The following RBBP8 variants were observed in gnomAD, a reference collection of about 807,000 sequenced individuals.
RBBP8 encodes the protein RB binding protein 8, endonuclease.
A neutral mutation model predicts 108.3 loss-of-function variants in RBBP8; 88 were observed. That is an observed-to-expected ratio of 0.81 (90% CI 0.68 to 0.97). RBBP8 has a LOEUF of 0.97. RBBP8 is among the 50% of genes least tolerant of loss of function. The pLI, the probability that RBBP8 is intolerant of heterozygous loss-of-function variation, is 0.00. For synonymous variants in RBBP8, 332 were observed against 348.2 expected, an observed-to-expected ratio of 0.95 and a Z score of 0.52; for missense variants, 1,023 against 1,049.0, an observed-to-expected ratio of 0.98 and a Z score of 0.34.
intron 16 of RBBP8, among the ~76,000 whole-genome samples, chr18:23,009,532 T>C (rs537498916): frequency 1.3e-5 from 2 of 149,408 alleles, no homozygotes; most frequent in African/African-American, 4.9e-5. Flanking sequence ...ATTTTATATA[T>C]ATATATATAA....
intron 3 of RBBP8, 23 bp from the exon 4 acceptor site, chr18:22,949,595 C>T (rs1245117748): frequency 6.5e-7 from 1 of 1,529,932 alleles, no homozygotes; most frequent in South Asian, 1.1e-5. Context: ...ATCTGAAAAA[C>T]TTATTTATTT....
chr18:22,996,307 A>G (rs1286933532), intron 12 of RBBP8, 67 bp from the exon 13 acceptor site: 2 of 1,593,022 alleles, frequency 1.3e-6, no homozygotes, highest in African/African-American at 1.3e-5. Flanking sequence ...AGGTCCCATA[A>G]TATTTTAAAG....
chr18:23,005,514 G>A (rs997182139), intron 15 of RBBP8, among the ~76,000 whole-genome samples: 2 of 152,128 alleles, frequency 1.3e-5, no homozygotes, highest in East Asian at 3.9e-4. Context: ...CCTGGTTCAA[G>A]AGATTCTCCT....
chr18:22,942,538 A>C (rs1027936450), intron 2 of RBBP8, among the ~76,000 whole-genome samples: 1 of 152,022 alleles, frequency 6.6e-6, no homozygotes, highest in African/African-American at 2.4e-5. Flanking sequence ...TTTATGACCG[A>C]GTTTTTATAT....
intron 2 of RBBP8, among the ~76,000 whole-genome samples, chr18:22,945,594 G>C (rs1182425595): frequency 6.6e-6 from 1 of 152,110 alleles, no homozygotes; most frequent in East Asian, 1.9e-4. Context: ...CGTTGATCGG[G>C]CTGGTCTCGG....
At position 22,936,905 on chromosome 18, in the gene RBBP8, T is replaced by C. The variant is rs765551179; in HGVS notation, c.54T>C (p.Ser18=). ...CGSPNSADTS[S]DFKDLWTKLK... ...GCCCTAACTCTGCAGATACATCTAG[T>C]GACTTTAAGGACCTTTGGACAAAAC... Residue 18 remains serine, a synonymous_variant, in exon 2 of 19, where the codon AGT becomes AGC. Coordinates refer to ENST00000327155, the MANE Select transcript of RBBP8 (RefSeq NM_002894.3). 1.9e-6 allele frequency: 3 copies of C among 1,614,130 alleles called. No individual in the cohort carries two copies. The highest frequency in any genetic ancestry group is 2.5e-6 in the Non-Finnish European group (3 of 1,180,014).
At chr18:22,980,182 G>C (rs1914800527) in intron 6 of RBBP8, among the ~76,000 whole-genome samples, 1 of 152,054 alleles carries the variant, frequency 6.6e-6, no homozygotes, top group Non-Finnish European at 1.5e-5. Context: ...GGAGGCAGAG[G>C]TTGTAGTGAG....
rs796482657 is a variant in RBBP8 at position 22,966,742 on chromosome 18, GGA to G, written c.249-2054_249-2053del. On this transcript the variant is annotated intron_variant, in intron 4 of 18. Transcript: ENST00000327155. ...ATCTTTTTTTTTTTTTTTTTTTTTT[GGA>G]GAGAGAGAGTCTTACTCTGTCACCC... Among the ~76,000 whole-genome samples the G allele has an allele frequency of 4.6e-3, 179 of 38,612 alleles. No homozygotes were observed. The Middle Eastern group carries it at 0.059, about 13-fold the overall frequency. The allele number at this position is 38,612 out of a possible 152,430, so 25.3% of individuals were successfully genotyped here.
intron 4 of RBBP8, among the ~76,000 whole-genome samples, chr18:22,951,712 C>T (rs956236675): frequency 6.6e-6 from 1 of 152,182 alleles, no homozygotes; most frequent in Non-Finnish European, 1.5e-5. Context: ...GGTTGTTTAC[C>T]CATGCTTTGG....
chr18:22,975,036 T>C, intron 5 of RBBP8, 117 bp from the exon 6 acceptor site: 1 of 1,266,450 alleles, frequency 7.9e-7, no homozygotes, highest in East Asian at 2.7e-5. Context: ...ATAAACATTA[T>C]GATTTAGGAT....
At chr18:23,017,738 G>GTTT (rs2046284903) in intron 17 of RBBP8, among the ~76,000 whole-genome samples, 8 of 130,178 alleles carry the variant, frequency 6.1e-5, no homozygotes, top group African/African-American at 2.2e-4. Flanking sequence ...ACCAATATAA[G>GTTT]TTCTTTTTTT....
intron 4 of RBBP8, among the ~76,000 whole-genome samples, chr18:22,962,575 C>G (rs1283604691): frequency 6.6e-6 from 1 of 151,572 alleles, no homozygotes; most frequent in African/African-American, 2.4e-5. Context: ...TTTTTTGAGA[C>G]AGAGTCTCAC....
intron 3 of RBBP8, among the ~76,000 whole-genome samples, chr18:22,922,826 T>C (rs1205269708): frequency 6.6e-6 from 1 of 152,214 alleles, no homozygotes; most frequent in Admixed American, 6.5e-5. Context: ...TTCTCCTTTC[T>C]ATATAATTTT....
At chr18:22,989,444 T>TA (rs1306659719) in intron 9 of RBBP8, 126 bp downstream of exon 9, 10 of 664,552 alleles carry the variant, frequency 1.5e-5, no homozygotes, top group African/African-American at 3.6e-5. Flanking sequence ...AAACAAAACT[T>TA]ACATTGTTAG....
At chr18:22,989,693 A>G (rs1915550975) in intron 9 of RBBP8, among the ~76,000 whole-genome samples, 1 of 151,302 alleles carries the variant, frequency 6.6e-6, no homozygotes, top group African/African-American at 2.4e-5. Context: ...ATAGGATCTC[A>G]TTGTGTTGCC....
rs759086894 is a variant in RBBP8, at chr18:22,996,376, GTATCCTTTGAAAA to G, written c.1948_1960del (p.Phe650SerfsTer4). The G allele has an allele frequency of 1.9e-6, 3 of 1,613,384 alleles. No individual in the cohort carries two copies. Among genetic ancestry groups the G allele is most frequent in the South Asian group, 1.1e-5 (1 of 91,064 alleles). Reference sequence around the variant, plus strand: ...CATGCTCTTTCCCTTTACCTAAGATGTATCCTTTGAAAATATCCAGTGGAGTATAGATCCGGGA... The same window carrying G: ...CATGCTCTTTCCCTTTACCTAAGATGTATCCAGTGGAGTATAGATCCGGGA... On this transcript the variant is annotated frameshift_variant, in exon 13 of 19. Transcript: ENST00000327155. LOFTEE classifies it high-confidence loss of function.
At chr18:22,999,627 G>T (rs1225461196) in intron 14 of RBBP8, among the ~76,000 whole-genome samples, 2 of 151,054 alleles carry the variant, frequency 1.3e-5, no homozygotes, top group East Asian at 3.9e-4. Flanking sequence ...TGGAATAGGA[G>T]ACATTAGTGA....
chr18:23,002,321 C>A (rs116203129), intron 15 of RBBP8, among the ~76,000 whole-genome samples: 2,454 of 152,224 alleles, frequency 0.016, 76 homozygotes, highest in African/African-American at 0.057. Flanking sequence ...GCGAGAAGAT[C>A]GCTTGAACAC....
chr18:22,972,143 C>G (rs965448193), intron 5 of RBBP8, among the ~76,000 whole-genome samples: 1 of 149,480 alleles, frequency 6.7e-6, no homozygotes, highest in Non-Finnish European at 1.5e-5. Context: ...ATCACAAGGT[C>G]AGGAGTTCAA....
Sources: gnomAD v4.1 joint callset for allele counts (sites outside exome capture counted in the v4.1 genomes callset) on GRCh38, gnomAD v4.1.1 for gene constraint, MANE v1.5 for transcripts, NCBI Gene and HGNC (gene_info 2026-07-23, HGNC 2026-07-21) for gene names.